Variants in RBFOX1 observed in about 807,000 individuals in gnomAD.
The protein encoded by RBFOX1 is RNA binding protein fox-1 homolog 1.
Under a neutral mutation model 57.7 loss-of-function variants are expected in RBFOX1, and 8 were observed. That is an observed-to-expected ratio of 0.14 (90% CI 0.08 to 0.25). RBFOX1 has a LOEUF of 0.25. Ranked by LOEUF, RBFOX1 falls within the 10% of genes least tolerant of loss-of-function variation. The pLI, the probability that RBFOX1 is intolerant of heterozygous loss-of-function variation, is 1.00. For missense variants in RBFOX1, 611 were observed against 548.5 expected, an observed-to-expected ratio of 1.11 and a Z score of -1.14; for synonymous variants, 326 against 222.4, an observed-to-expected ratio of 1.47 and a Z score of -4.15.
intron 2 of RBFOX1, among the ~76,000 whole-genome samples, chr16:6,365,863 G>A (rs1046100591): frequency 1.3e-5 from 2 of 152,168 alleles, no homozygotes; most frequent in Non-Finnish European, 2.9e-5. Flanking sequence ...TAGGCAGATA[G>A]TGTTTAACTC....
intron 2 of RBFOX1, among the ~76,000 whole-genome samples, chr16:6,453,576 G>T (rs144229087): frequency 0.012 from 1,901 of 152,238 alleles, 37 homozygotes; most frequent in African/African-American, 0.043. Flanking sequence ...GGACCAGACG[G>T]ATTCACAGTA....
chr16:7,008,428 C>T (rs1021851500), intron 3 of RBFOX1, among the ~76,000 whole-genome samples: 1 of 151,824 alleles, frequency 6.6e-6, no homozygotes, highest in Admixed American at 6.6e-5. Context: ...TAATTCCAGA[C>T]ACTCAGAAGT....
chr16:5,911,297 AT>A (rs2058597017), intron 4 of RBFOX1, among the ~76,000 whole-genome samples: 1 of 152,102 alleles, frequency 6.6e-6, no homozygotes, highest in African/African-American at 2.4e-5. Context: ...CTCCACACTT[AT>A]TACTGATGGG....
chr16:7,369,219 A>G (rs2097524455), intron 4 of RBFOX1, among the ~76,000 whole-genome samples: 1 of 151,488 alleles, frequency 6.6e-6, no homozygotes, highest in Non-Finnish European at 1.5e-5. Context: ...CCAATAGTAA[A>G]AAGCAAACAC....
intron 4 of RBFOX1, among the ~76,000 whole-genome samples, chr16:7,279,748 G>C (rs1275465383): frequency 6.6e-6 from 1 of 152,190 alleles, no homozygotes; most frequent in Non-Finnish European, 1.5e-5. Flanking sequence ...ACCTGAATGA[G>C]TGCTTCTCTG....
intron 1 of RBFOX1, among the ~76,000 whole-genome samples, chr16:5,371,046 C>T (rs1050473497): frequency 6.6e-6 from 1 of 152,176 alleles, no homozygotes; most frequent in East Asian, 1.9e-4. Context: ...CTCCCGGGTT[C>T]AGGCGATTCT....
rs72636232 is a variant in RBFOX1, at chr16:7,702,562, G to A, written c.996-6494G>A. Among the ~76,000 whole-genome samples, 1,939 of 152,296 alleles carry A rather than the reference G, an allele frequency of 0.013. 142 individuals are homozygous for A. The East Asian group carries it at 0.22, about 17-fold the overall frequency. On this transcript the variant is annotated intron_variant, in intron 14 of 15. Coordinates refer to ENST00000550418, the MANE Select transcript of RBFOX1 (RefSeq NM_018723.4). ...CAACGGATTCATTTATTTCTAGTTGGATGAGAGAAGGAAGTAAAGCAGTAG... is the reference window on the plus strand; with the variant it reads ...CAACGGATTCATTTATTTCTAGTTGAATGAGAGAAGGAAGTAAAGCAGTAG...
At chr16:6,603,809 G>C (rs1437838128) in intron 2 of RBFOX1, among the ~76,000 whole-genome samples, 1 of 152,092 alleles carries the variant, frequency 6.6e-6, no homozygotes, top group Non-Finnish European at 1.5e-5. Context: ...TTCTCGTCCT[G>C]CTGTTTGGGT....
intron 5 of RBFOX1, among the ~76,000 whole-genome samples, chr16:7,576,072 G>A (rs1506999): frequency 0.31 from 47,523 of 151,146 alleles, 8,802 homozygotes; most frequent in East Asian, 0.53. Context: ...AGCTGGGATG[G>A]CAGGCACATG....
At chr16:7,421,439 A>T (rs1297277770) in intron 4 of RBFOX1, among the ~76,000 whole-genome samples, 3 of 152,212 alleles carry the variant, frequency 2.0e-5, no homozygotes, top group Non-Finnish European at 4.4e-5. Flanking sequence ...CATATTTCCA[A>T]GGGTAAATAA....
chr16:5,742,697 A>G (rs2052819387), intron 3 of RBFOX1, among the ~76,000 whole-genome samples: 1 of 152,200 alleles, frequency 6.6e-6, no homozygotes, highest in Non-Finnish European at 1.5e-5. Flanking sequence ...CAGAATGGGT[A>G]TCATATATGA....
At chr16:6,309,492 C>T (rs2079974322) in intron 1 of RBFOX1, among the ~76,000 whole-genome samples, 1 of 152,156 alleles carries the variant, frequency 6.6e-6, no homozygotes, top group African/African-American at 2.4e-5. Context: ...TTATTGCTGA[C>T]AGGGAAGCGG....
rs4408560 is a variant in RBFOX1, at chr16:7,688,347, A to G, written c.995+11509A>G. On this transcript the variant is annotated intron_variant, in intron 14 of 15. Transcript: ENST00000550418. ...CTATGAGTGATATCGATCCTGAGAT[A>G]TATTTAACAATAGCAATGTAACAGA... Among the ~76,000 whole-genome samples, 3 of 151,536 alleles carry G rather than the reference A, an allele frequency of 2.0e-5. No individual in the cohort carries two copies. In the South Asian group the frequency reaches 6.2e-4, roughly 32 times the overall value.
At chr16:6,104,481 A>G (rs575041209) in intron 1 of RBFOX1, among the ~76,000 whole-genome samples, 1 of 152,204 alleles carries the variant, frequency 6.6e-6, no homozygotes, top group Non-Finnish European at 1.5e-5. Context: ...TTTACAATTC[A>G]ATTATCTTTA....
chr16:6,060,122 G>GTT lies in RBFOX1; in HGVS notation c.-127+40165_-127+40166dup, dbSNP rs199690584. ...ATTTGGCCCTAAAATTAGGATTAGG[G>GTT]TTTTTTTTTTTTTTTTTTTTTTTTT... On this transcript the variant is annotated intron_variant, in intron 1 of 15. Coordinates refer to ENST00000550418, the MANE Select transcript of RBFOX1 (RefSeq NM_018723.4). Among the ~76,000 whole-genome samples the GTT allele has an allele frequency of 4.5e-3, 512 of 114,136 alleles. 45 individuals carry two copies. The highest frequency in any genetic ancestry group is 6.6e-3 in the Non-Finnish European group (383 of 58,076). The allele number at this position is 114,136 out of a possible 152,430, so 74.9% of individuals were successfully genotyped here.
At chr16:7,058,156 G>T (rs538603706) in intron 4 of RBFOX1, among the ~76,000 whole-genome samples, 1 of 151,978 alleles carries the variant, frequency 6.6e-6, no homozygotes, top group Non-Finnish European at 1.5e-5. Context: ...GACACCTACC[G>T]CACGTCTTAC....
chr16:6,688,197 A>T (rs1431071329), intron 3 of RBFOX1, among the ~76,000 whole-genome samples: 2 of 151,830 alleles, frequency 1.3e-5, no homozygotes, highest in African/African-American at 4.8e-5. Flanking sequence ...AAAAAAAGAG[A>T]AGCAGGCGTG....
At position 5,599,221 on chromosome 16, in the gene RBFOX1, G is replaced by A. The variant is rs747487794; in HGVS notation, c.578G>A (p.Trp193Ter). The change falls in exon 3 of 3, where the codon TGG (tryptophan) becomes TAG (stop). Residue 193 changes from tryptophan to a stop codon, truncating the protein, a stop_gained. Coordinates refer to the RBFOX1 transcript ENST00000585867. LOFTEE classifies it low-confidence loss of function (END_TRUNC). ...CTAAAAAAGACCAGGCCCACTTGGTGGACAGATCCGGGGCACAGTGGTTGG... is the reference window on the plus strand; with the variant it reads ...CTAAAAAAGACCAGGCCCACTTGGTAGACAGATCCGGGGCACAGTGGTTGG... The A allele has an allele frequency of 2.9e-6, 2 of 695,750 alleles. No homozygotes were observed. The highest frequency in any genetic ancestry group is 3.0e-5 in the South Asian group (2 of 65,856). 43.1% of individuals were successfully genotyped at this position (695,750 alleles called of 1,614,324 possible).
chr16:5,663,048 A>G (rs1335274897), intron 3 of RBFOX1, among the ~76,000 whole-genome samples: 1 of 152,040 alleles, frequency 6.6e-6, no homozygotes, highest in Non-Finnish European at 1.5e-5. Context: ...GAAATTTTTG[A>G]TTGTCACATC....
Sources: allele counts gnomAD v4.1 joint callset (sites outside exome capture counted in the v4.1 genomes callset), GRCh38; gene constraint gnomAD v4.1.1; transcripts MANE v1.5; gene names NCBI Gene and HGNC (gene_info 2026-07-23, HGNC 2026-07-21).